PTPRN: variants seen among roughly 807,000 people sequenced by gnomAD.
PTPRN encodes the protein protein tyrosine phosphatase receptor type N.
In PTPRN, 70 loss-of-function variants were observed where a neutral mutation model predicts 108.5. The ratio of observed to expected loss-of-function variants is 0.65; its 90% CI spans 0.53 to 0.79. The LOEUF (loss-of-function observed/expected upper bound fraction) is 0.79. Ranked by LOEUF, PTPRN falls within the 30% of genes least tolerant of loss-of-function variation. PTPRN has a pLI of 0.00. For missense variants in PTPRN, 1,136 were observed against 1,295.5 expected (o/e 0.88, Z 1.89); for synonymous variants, 496 against 524.6 (o/e 0.95, Z 0.75).
intron 19 of PTPRN, chr2:219,292,584 G>A (rs1342869529): frequency 6.6e-6 from 1 of 152,162 alleles, no homozygotes; most frequent in African/African-American, 2.4e-5. Flanking sequence ...AATCACAATA[G>A]TTGTTTTTGC....
intron 4 of PTPRN, 141 bp from the exon 5 acceptor site, chr2:219,302,978 A>T: frequency 2.9e-5 from 18 of 611,864 alleles, no homozygotes; most frequent in Middle Eastern, 6.1e-4. Flanking sequence ...CCTCAGGGGA[A>T]GAGAGATGGG....
At position 219,296,542 on chromosome 2, in the gene PTPRN, A is replaced by G; in HGVS notation, c.2311-26T>C. 3.7e-6 allele frequency: 6 copies of G among 1,613,166 alleles called. No individual in the cohort carries two copies. Among genetic ancestry groups the G allele is most frequent in the Non-Finnish European group, 5.1e-6 (6 of 1,179,464 alleles). ...CTGGAGGCAGGGAAGATACACCATGAGCCAGTGTGGGAAATGCCACTATGG... is the reference window on the plus strand; with the variant it reads ...CTGGAGGCAGGGAAGATACACCATGGGCCAGTGTGGGAAATGCCACTATGG... On this transcript the variant is annotated intron_variant, in intron 16 of 22. Transcript: ENST00000295718. The surrounding 1 kb of genome is among the most constrained non-coding windows in gnomAD (Gnocchi z 6.0).
Position 219,295,124 on chromosome 2 carries a change from C to T in PTPRN, c.2526G>A (p.Glu842=). Residue 842 remains glutamate (E), a synonymous_variant, in exon 19 of 23, where the codon GAG becomes GAA. Coordinates refer to ENST00000295718, the MANE Select transcript of PTPRN (RefSeq NM_002846.4). ...YHVYEVNLVS[E]HIWCEDFLVR... is the part of the protein sequence containing the mutation. ...CCAGAAAGTCCTCGCACCAGATGTG[C>T]TCCGACACCAGGTTCACCTGCCCGG... 3.1e-6 allele frequency: 5 copies of T among 1,611,280 alleles called. No homozygotes were observed. The highest frequency in any genetic ancestry group is 4.2e-6 in the Non-Finnish European group (5 of 1,178,726).
At chr2:219,293,872 T>C (rs950356606) in intron 19 of PTPRN, among the ~76,000 whole-genome samples, 2 of 152,154 alleles carry the variant, frequency 1.3e-5, no homozygotes, top group African/African-American at 4.8e-5. Flanking sequence ...GCTTCCCAAG[T>C]ACCTGTCTGG....
intron 1 of PTPRN, 32 bp from the exon 2 acceptor site, chr2:219,307,874 C>T: frequency 1.2e-6 from 2 of 1,607,580 alleles, no homozygotes; most frequent in Non-Finnish European, 1.7e-6. Flanking sequence ...GAGGCTCAGA[C>T]ACCCACTCAC....
chr2:219,298,994 C>A, intron 12 of PTPRN, 53 bp downstream of exon 12: 1 of 1,601,610 alleles, frequency 6.2e-7, no homozygotes. Flanking sequence ...CCAGCTCTTG[C>A]GGACAACATC....
intron 19 of PTPRN, chr2:219,293,997 C>G (rs932357733): frequency 2.2e-6 from 1 of 460,248 alleles, no homozygotes; most frequent in African/African-American, 2.0e-5. Flanking sequence ...CTGAGCCCCC[C>G]AGAATCCAGA....
Position 219,297,078 on chromosome 2 carries a change from C to T in PTPRN, c.2143G>A (p.Ala715Thr). 1 of 1,614,126 alleles carries T rather than the reference C, an allele frequency of 6.2e-7. No individual in the cohort carries two copies. Residue 715 changes from alanine to threonine, a missense_variant, in exon 15 of 23, where the codon GCC becomes ACC. Transcript: ENST00000295718. The surrounding 1 kb of genome is among the most constrained non-coding windows in gnomAD (Gnocchi z 6.0). The part of the protein sequence containing the change: ...NRDRLAKEWQ[A>T]LCAYQAEPNT... ...GGCTCTGCTTGGTAGGCACAGAGGG[C>T]CTGCCACTCCTTGGCAAGGCGGTCC...
chr2:219,304,491 C>T (rs1199134296), intron 3 of PTPRN, among the ~76,000 whole-genome samples: 1 of 152,016 alleles, frequency 6.6e-6, no homozygotes, highest in African/African-American at 2.4e-5. Flanking sequence ...CTCTTTCCCC[C>T]AAAAAAACTC....
In PTPRN at chr2:219,296,549, G is replaced by A. The variant is rs1445573962; in HGVS notation, c.2311-33C>T. ...CAGGGAAGATACACCATGAGCCAGT[G>A]TGGGAAATGCCACTATGGACAGGCG... On this transcript the variant is annotated intron_variant, in intron 16 of 22. Transcript: ENST00000295718. The surrounding 1 kb of genome is among the most constrained non-coding windows in gnomAD (Gnocchi z 6.0). 1.2e-6 allele frequency: 2 copies of A among 1,612,164 alleles called. No homozygotes were observed. Among genetic ancestry groups the A allele is most frequent in the Non-Finnish European group, 1.7e-6 (2 of 1,178,590 alleles).
Position 219,297,045 on chromosome 2 carries a change from A to G in PTPRN, c.2176T>C (p.Cys726Arg), listed in dbSNP as rs1156950792. Reference protein sequence around the residue: ...LCAYQAEPNTCATAQGEGNIK... With the variant: ...LCAYQAEPNTRATAQGEGNIK... Reference sequence around the variant, plus strand: ...TTGCCCTCCCCCTGCGCGGTGGCACAGGTGTTTGGCTCTGCTTGGTAGGCA... The same window carrying G: ...TTGCCCTCCCCCTGCGCGGTGGCACGGGTGTTTGGCTCTGCTTGGTAGGCA... Residue 726 changes from cysteine to arginine, a missense_variant, in exon 15 of 23, where the codon TGT becomes CGT. Physicochemically the swap from Cys to Arg is radical, Grantham distance 180. Coordinates refer to ENST00000295718, the MANE Select transcript of PTPRN (RefSeq NM_002846.4). This position sits in a 1 kb window ranked among gnomAD's most constrained non-coding sequence, Gnocchi z 6.0. 6.2e-7 allele frequency: 1 copy of G among 1,614,084 alleles called. No individual in the cohort carries two copies. Among genetic ancestry groups the G allele is most frequent in the Non-Finnish European group, 8.5e-7 (1 of 1,180,032 alleles).
chr2:219,298,870 C>G (rs1952268813), intron 12 of PTPRN, 177 bp downstream of exon 12: 1 of 727,266 alleles, frequency 1.4e-6, no homozygotes, highest in Admixed American at 1.9e-5. Flanking sequence ...GACACCTACG[C>G]CATCTGCTGG....
rs2125099836 is a variant in PTPRN at position 219,308,826 on chromosome 2, C to T, written c.115+392G>A. ...CAGGCTTCCACTGCCCAGAGATCACCGTTCCCTCATTCTCCCCGCCACCTC... is the reference window on the plus strand; with the variant it reads ...CAGGCTTCCACTGCCCAGAGATCACTGTTCCCTCATTCTCCCCGCCACCTC... On this transcript the variant is annotated intron_variant, in intron 1 of 22. Coordinates refer to ENST00000295718, the MANE Select transcript of PTPRN (RefSeq NM_002846.4). 19 of 1,306,374 alleles carry T rather than the reference C, an allele frequency of 1.5e-5. No homozygotes were observed. The South Asian group carries it at 1.7e-4, about 12-fold the overall frequency. 80.9% of individuals were successfully genotyped at this position (1,306,374 alleles called of 1,614,324 possible). A position where few individuals can be genotyped will look rare whatever the true frequency, so the allele number is the denominator to read the frequency against.
At chr2:219,307,982 G>C (rs747610752) in intron 1 of PTPRN, 140 bp from the exon 2 acceptor site, 57 of 771,484 alleles carry the variant, frequency 7.4e-5, no homozygotes, top group Middle Eastern at 6.0e-4. Context: ...AGGAGAGTAG[G>C]AATCAGGCCT....
At chr2:219,301,517 G>T in intron 7 of PTPRN, 71 bp downstream of exon 7, 1 of 1,538,390 alleles carries the variant, frequency 6.5e-7, no homozygotes. Flanking sequence ...ACTCCAAGTG[G>T]TCTCGAGGCA....
intron 20 of PTPRN, 74 bp downstream of exon 20, chr2:219,291,396 G>A: frequency 1.3e-6 from 2 of 1,510,262 alleles, no homozygotes; most frequent in East Asian, 2.3e-5. Context: ...AGCACCAAGG[G>A]GACAGGCAGG....
At chr2:219,299,223 G>T in intron 11 of PTPRN, 82 bp downstream of exon 11, 1 of 1,597,494 alleles carries the variant, frequency 6.3e-7, no homozygotes, top group Non-Finnish European at 8.6e-7. Context: ...ATTTCAAGGG[G>T]GCATCAGCAA....
chr2:219,305,280 TCA>T (rs1952453980), intron 3 of PTPRN, among the ~76,000 whole-genome samples: 1 of 151,444 alleles, frequency 6.6e-6, no homozygotes, highest in South Asian at 2.1e-4. Flanking sequence ...TCTCGCTCTA[TCA>T]CCCAGGCTGG....
intron 12 of PTPRN, among the ~76,000 whole-genome samples, chr2:219,298,813 T>C (rs1020072330): frequency 6.6e-6 from 1 of 152,270 alleles, no homozygotes; most frequent in African/African-American, 2.4e-5. Context: ...GCGGCTCAAC[T>C]AGTTCTCAGG....
Sources: gnomAD v4.1 joint callset for allele counts (sites outside exome capture counted in the v4.1 genomes callset) on GRCh38, gnomAD v4.1.1 for gene constraint, Gnocchi (gnomAD v3.1) non-coding constraint, MANE v1.5 for transcripts, NCBI Gene and HGNC (gene_info 2026-07-23, HGNC 2026-07-21) for gene names.